The following KCNIP1 variants were observed in gnomAD, a reference collection of about 807,000 sequenced individuals.
KCNIP1 encodes the protein A-type potassium channel modulatory protein KCNIP1.
KCNIP1 carries 18 observed loss-of-function variants against 33.0 expected under a neutral mutation model. The observed-to-expected ratio is 0.55, with a 90% CI of 0.38 to 0.81. The LOEUF (loss-of-function observed/expected upper bound fraction) is 0.81. KCNIP1 is among the 30% of genes least tolerant of loss of function. KCNIP1 has a pLI of 0.00. For missense variants in KCNIP1, 238 were observed against 271.6 expected, an observed-to-expected ratio of 0.88 and a Z score of 0.87; for synonymous variants, 93 against 98.3, an observed-to-expected ratio of 0.95 and a Z score of 0.32.
At chr5:170,711,767 GA>G (rs1763453692) in intron 1 of KCNIP1, among the ~76,000 whole-genome samples, 1 of 152,170 alleles carries the variant, frequency 6.6e-6, no homozygotes, top group South Asian at 2.1e-4. Flanking sequence ...CACCTCACCA[GA>G]AGGATCAAAG....
At chr5:170,413,712 C>T (rs1277113993) in intron 1 of KCNIP1, among the ~76,000 whole-genome samples, 4 of 152,076 alleles carry the variant, frequency 2.6e-5, no homozygotes, top group Non-Finnish European at 5.9e-5. Context: ...CCTGGCCTGC[C>T]ACATGGAATG....
intron 1 of KCNIP1, among the ~76,000 whole-genome samples, chr5:170,361,856 G>A (rs1163251853): frequency 6.6e-6 from 1 of 152,116 alleles, no homozygotes; most frequent in Non-Finnish European, 1.5e-5. Context: ...CCTCCCAAAG[G>A]CCCCACCTTC....
chr5:170,695,853 T>A (rs898845436), intron 1 of KCNIP1, among the ~76,000 whole-genome samples: 21 of 152,072 alleles, frequency 1.4e-4, no homozygotes, highest in Non-Finnish European at 2.1e-4. Context: ...ACCCCGTCTC[T>A]ACTAAAAATA....
intron 1 of KCNIP1, among the ~76,000 whole-genome samples, chr5:170,360,191 G>C (rs768443015): frequency 9.2e-5 from 14 of 152,134 alleles, no homozygotes; most frequent in Non-Finnish European, 1.6e-4. Flanking sequence ...AATCTCCCCT[G>C]GGCCATCTCT....
At chr5:170,583,477 T>G (rs1422815698) in intron 1 of KCNIP1, among the ~76,000 whole-genome samples, 1 of 152,156 alleles carries the variant, frequency 6.6e-6, no homozygotes, top group Non-Finnish European at 1.5e-5. Context: ...TAGGCAAGAA[T>G]GTAAAAGCCC....
At chr5:170,682,892 G>T (rs1345392851) in intron 1 of KCNIP1, among the ~76,000 whole-genome samples, 1 of 138,336 alleles carries the variant, frequency 7.2e-6, no homozygotes, top group Non-Finnish European at 1.5e-5. Flanking sequence ...GCCTCCCAAA[G>T]TGCTGGGATT....
At chr5:170,450,480 C>T (rs1756222861) in intron 1 of KCNIP1, among the ~76,000 whole-genome samples, 1 of 152,192 alleles carries the variant, frequency 6.6e-6, no homozygotes, top group Non-Finnish European at 1.5e-5. Context: ...AATCAGACCA[C>T]AGCATTCCCT....
At chr5:170,446,874 T>G (rs187756274) in intron 1 of KCNIP1, among the ~76,000 whole-genome samples, 1 of 152,234 alleles carries the variant, frequency 6.6e-6, no homozygotes, top group Non-Finnish European at 1.5e-5. Context: ...CTGGGGATCC[T>G]GTGAAAAGAC....
chr5:170,721,431 G>A (rs1254383245), intron 3 of KCNIP1, among the ~76,000 whole-genome samples: 1 of 152,144 alleles, frequency 6.6e-6, no homozygotes, highest in African/African-American at 2.4e-5. Flanking sequence ...CGTGCTTGAT[G>A]CCCACAGTCA....
At chr5:170,674,173 A>AAGGG (rs1491330047) in intron 1 of KCNIP1, among the ~76,000 whole-genome samples, 2 of 50,676 alleles carry the variant, frequency 3.9e-5, no homozygotes, top group Non-Finnish European at 6.6e-5. Context: ...GGAAGGAAGG[A>AAGGG]AGGAAGGAAG....
At chr5:170,675,620 T>C (rs1762104986) in intron 1 of KCNIP1, among the ~76,000 whole-genome samples, 1 of 152,128 alleles carries the variant, frequency 6.6e-6, no homozygotes, top group Non-Finnish European at 1.5e-5. Context: ...CCCCCATCTC[T>C]AAAATAAAAT....
intron 7 of KCNIP1, 54 bp downstream of exon 7, chr5:170,733,952 G>A: frequency 6.7e-7 from 1 of 1,486,434 alleles, no homozygotes; most frequent in Non-Finnish European, 9.4e-7. Context: ...GGAAACCTGG[G>A]GCCTGGGGAC....
chr5:170,665,440 C>T (rs1411846044), intron 1 of KCNIP1, among the ~76,000 whole-genome samples: 2 of 152,156 alleles, frequency 1.3e-5, no homozygotes, highest in Non-Finnish European at 2.9e-5. Context: ...TCTCTCCTGC[C>T]ATGCTCTGTT....
chr5:170,725,846 A>G (rs1221274017), intron 5 of KCNIP1, among the ~76,000 whole-genome samples: 1 of 152,232 alleles, frequency 6.6e-6, no homozygotes, highest in Non-Finnish European at 1.5e-5. Context: ...AAATAGAGAT[A>G]GACCCACCCA....
chr5:170,581,565 A>G (rs778882909), intron 1 of KCNIP1, among the ~76,000 whole-genome samples: 4 of 152,238 alleles, frequency 2.6e-5, no homozygotes, highest in Non-Finnish European at 5.9e-5. Flanking sequence ...TGGGGAAGTG[A>G]CAACCTGTGT....
chr5:170,688,907 G>A (rs1476857392), intron 1 of KCNIP1, among the ~76,000 whole-genome samples: 1 of 147,910 alleles, frequency 6.8e-6, no homozygotes, highest in African/African-American at 2.5e-5. Context: ...CTTCTCCAGG[G>A]CTAACCAGTT....
At chr5:170,679,317 C>T (rs778438813) in intron 1 of KCNIP1, 1 of 152,210 alleles carries the variant, frequency 6.6e-6, no homozygotes, top group Non-Finnish European at 1.5e-5. Flanking sequence ...CAGGACATCA[C>T]TGCCTACACG....
At chr5:170,568,834 G>T (rs1458274791) in intron 1 of KCNIP1, among the ~76,000 whole-genome samples, 1 of 151,718 alleles carries the variant, frequency 6.6e-6, no homozygotes, top group Non-Finnish European at 1.5e-5. Context: ...AAAAAGAAAA[G>T]ACAAAAGAAA....
intron 1 of KCNIP1, among the ~76,000 whole-genome samples, chr5:170,485,019 C>A (rs1757057738): frequency 6.7e-6 from 1 of 148,604 alleles, no homozygotes; most frequent in Non-Finnish European, 1.5e-5. Context: ...CCACTCACTG[C>A]AATCTCTGCC....
Sources: gnomAD v4.1 joint callset for allele counts (sites outside exome capture counted in the v4.1 genomes callset) on GRCh38, gnomAD v4.1.1 for gene constraint, MANE v1.5 for transcripts, NCBI Gene and HGNC (gene_info 2026-07-23, HGNC 2026-07-21) for gene names.